Variants in ROBO2 observed in about 807,000 individuals in gnomAD.
ROBO2 encodes the protein roundabout homolog 2.
ROBO2 carries 53 observed loss-of-function variants against 160.8 expected under a neutral mutation model. The observed-to-expected ratio is 0.33, with a 90% confidence interval of 0.26 to 0.41. ROBO2 has a LOEUF of 0.41. Among genes scored for constraint, ROBO2 ranks in the 10% least tolerant of loss-of-function variants. The pLI, the probability that ROBO2 is intolerant of heterozygous loss-of-function variation, is 1.00. For missense variants in ROBO2, 1,577 were observed against 1,722.4 expected, an observed-to-expected ratio of 0.92 and a Z score of 1.49; for synonymous variants, 664 against 611.7, an observed-to-expected ratio of 1.09 and a Z score of -1.26.
intron 2 of ROBO2, among the ~76,000 whole-genome samples, chr3:76,779,273 G>A (rs1560546460): frequency 1.3e-5 from 2 of 150,890 alleles, no homozygotes; most frequent in African/African-American, 2.4e-5. Flanking sequence ...TATCAATATC[G>A]TCAACGCCAA....
chr3:76,141,024 T>C (rs2071613645), intron 2 of ROBO2, among the ~76,000 whole-genome samples: 1 of 130,760 alleles, frequency 7.6e-6, no homozygotes, highest in Admixed American at 7.9e-5. Flanking sequence ...CTTAGAAAAT[T>C]GTACACACAC....
rs149927170 is a variant in ROBO2 at position 76,384,860 on chromosome 3, A to G, written c.109+447258A>G. ...ACGACACGTGAGGATTAGGGGAACT[A>G]CAATTCAAAATGAGATTTGGGTGGG... On this transcript the variant is annotated intron_variant, in intron 2 of 26. Transcript: ENST00000487694. Among the ~76,000 whole-genome samples the G allele has an allele frequency of 4.1e-4, 62 of 152,328 alleles. No homozygotes were observed. In the East Asian group the frequency reaches 5.4e-3, roughly 13 times the overall value.
At chr3:76,945,168 C>T (rs928139141) in intron 2 of ROBO2, among the ~76,000 whole-genome samples, 2 of 152,152 alleles carry the variant, frequency 1.3e-5, no homozygotes, top group Admixed American at 1.3e-4. Flanking sequence ...CTTTTAACAG[C>T]AGAATATGGT....
intron 2 of ROBO2, among the ~76,000 whole-genome samples, chr3:76,611,955 T>A (rs1029253043): frequency 6.6e-6 from 1 of 152,218 alleles, no homozygotes; most frequent in African/African-American, 2.4e-5. Context: ...TGGTATATTG[T>A]GTTTCCATTT....
intron 2 of ROBO2, among the ~76,000 whole-genome samples, chr3:77,445,794 G>GTTTTTTTTTTTTTTTT (rs199914360): frequency 1.5e-4 from 18 of 123,074 alleles, no homozygotes; most frequent in African/African-American, 5.1e-4. Flanking sequence ...GTTTTTTTTT[G>GTTTTTTTTTTTTTTTT]TTTTTTTTTT....
chr3:77,250,826 A>G (rs964983756), intron 2 of ROBO2, among the ~76,000 whole-genome samples: 1 of 152,080 alleles, frequency 6.6e-6, no homozygotes, highest in African/African-American at 2.4e-5. Flanking sequence ...ACTGACTCCC[A>G]CTATAACTAA....
At chr3:76,198,104 CAGGACATGGTGGGA>C (rs1702347110) in intron 2 of ROBO2, among the ~76,000 whole-genome samples, 1 of 152,156 alleles carries the variant, frequency 6.6e-6, no homozygotes, top group Non-Finnish European at 1.5e-5. Context: ...AAAGCTAGTT[CAGGACATGGTGGGA>C]AGGGGAGATC....
chr3:76,615,221 G>A (rs1036001685), intron 2 of ROBO2, among the ~76,000 whole-genome samples: 2 of 151,612 alleles, frequency 1.3e-5, no homozygotes, highest in African/African-American at 2.4e-5. Flanking sequence ...TTTATTTATT[G>A]CTGCTCTTTT....
At chr3:76,750,344 T>G (rs1229303024) in intron 2 of ROBO2, among the ~76,000 whole-genome samples, 1 of 152,132 alleles carries the variant, frequency 6.6e-6, no homozygotes, top group African/African-American at 2.4e-5. Flanking sequence ...AATATCGTAC[T>G]GAATGGGCAA....
intron 2 of ROBO2, among the ~76,000 whole-genome samples, chr3:77,452,156 G>T (rs868070029): frequency 1.3e-5 from 2 of 151,902 alleles, no homozygotes; most frequent in Admixed American, 6.6e-5. Context: ...TTTAAACAAG[G>T]AATAATTTTG....
chr3:76,148,898 T>C (rs568930714), intron 2 of ROBO2, among the ~76,000 whole-genome samples: 11 of 152,238 alleles, frequency 7.2e-5, no homozygotes, highest in African/African-American at 2.6e-4. Context: ...AGTTACTTTC[T>C]AAATTATCTC....
intron 2 of ROBO2, among the ~76,000 whole-genome samples, chr3:77,236,779 A>C (rs1580260677): frequency 6.6e-6 from 1 of 152,198 alleles, no homozygotes; most frequent in Non-Finnish European, 1.5e-5. Flanking sequence ...CCACAATGTC[A>C]GACAGTATGG....
chr3:76,608,703 T>G (rs539344916), intron 2 of ROBO2, among the ~76,000 whole-genome samples: 1 of 152,328 alleles, frequency 6.6e-6, no homozygotes, highest in South Asian at 2.1e-4. Context: ...TTTTATAGTT[T>G]GAGATCTTAA....
chr3:76,572,166 G>A, intron 2 of ROBO2, among the ~76,000 whole-genome samples: 1 of 152,092 alleles, frequency 6.6e-6, no homozygotes, highest in East Asian at 1.9e-4. Flanking sequence ...CCTTTTAGCA[G>A]GGCAGTACTA....
At chr3:76,281,370 T>A (rs532441651) in intron 2 of ROBO2, among the ~76,000 whole-genome samples, 25 of 152,134 alleles carry the variant, frequency 1.6e-4, no homozygotes, top group African/African-American at 5.8e-4. Context: ...GAGTGAAATT[T>A]TAACAGCTGT....
At chr3:77,580,972 C>G (rs1357366116) in intron 16 of ROBO2, among the ~76,000 whole-genome samples, 2 of 152,164 alleles carry the variant, frequency 1.3e-5, no homozygotes, top group East Asian at 3.9e-4. Flanking sequence ...AAAATGACTT[C>G]TAGTTGCCCT....
chr3:76,910,887 AAG>A (rs1459640245), intron 2 of ROBO2, among the ~76,000 whole-genome samples: 3 of 152,050 alleles, frequency 2.0e-5, no homozygotes, highest in African/African-American at 7.2e-5. Context: ...TTATTTCAAA[AAG>A]AGATTTGGGG....
At chr3:77,232,054 G>A (rs1051258706) in intron 2 of ROBO2, among the ~76,000 whole-genome samples, 1 of 151,972 alleles carries the variant, frequency 6.6e-6, no homozygotes, top group Non-Finnish European at 1.5e-5. Context: ...TCTTCTTGCC[G>A]AAATTCCATT....
intron 2 of ROBO2, among the ~76,000 whole-genome samples, chr3:76,065,519 A>T (rs2068222050): frequency 6.6e-6 from 1 of 151,952 alleles, no homozygotes; most frequent in Non-Finnish European, 1.5e-5. Flanking sequence ...ATCTTTGGCA[A>T]ATTCTGTCTG....
Sources: gnomAD v4.1 joint callset for allele counts (sites outside exome capture counted in the v4.1 genomes callset) on GRCh38, gnomAD v4.1.1 for gene constraint, MANE v1.5 for transcripts, NCBI Gene and HGNC (gene_info 2026-07-23, HGNC 2026-07-21) for gene names.